The following PCDHGA7 variants were observed in gnomAD, a reference collection of about 807,000 sequenced individuals.
The protein encoded by PCDHGA7 is protocadherin gamma subfamily A, 7.
PCDHGA7 carries 44 observed loss-of-function variants against 58.3 expected under a neutral mutation model. The ratio of observed to expected loss-of-function variants is 0.75; its 90% CI spans 0.59 to 0.97. The LOEUF (loss-of-function observed/expected upper bound fraction) is 0.97. Ranked by LOEUF, PCDHGA7 falls within the 50% of genes least tolerant of loss-of-function variation. PCDHGA7 has a pLI of 0.00. For missense variants in PCDHGA7, 1,266 were observed against 1,188.7 expected (o/e 1.06, Z -0.96); for synonymous variants, 516 against 504.2 (o/e 1.02, Z -0.31).
chr5:141,494,926 G>T, intron 2 of PCDHGA7, 61 bp downstream of exon 2: 1 of 1,613,498 alleles, frequency 6.2e-7, no homozygotes, highest in Non-Finnish European at 8.5e-7. Flanking sequence ...GGATGACGTG[G>T]GAGGAGATGG....
chr5:141,422,541 T>C (rs1389095817), intron 1 of PCDHGA7: 1 of 1,613,992 alleles, frequency 6.2e-7, no homozygotes. Context: ...CAGAAACTCA[T>C]GTCTGGCTGA....
intron 1 of PCDHGA7, among the ~76,000 whole-genome samples, chr5:141,471,869 G>A (rs1234106506): frequency 6.6e-6 from 1 of 152,172 alleles, no homozygotes; most frequent in Non-Finnish European, 1.5e-5. Flanking sequence ...AACTGTGGTT[G>A]CCTGAGGCTG....
At chr5:141,460,341 C>T (rs557699438) in intron 1 of PCDHGA7, among the ~76,000 whole-genome samples, 39 of 152,110 alleles carry the variant, frequency 2.6e-4, no homozygotes, top group Admixed American at 2.4e-3. Flanking sequence ...ATGATTTTCT[C>T]CTATATTTTC....
In PCDHGA7 at chr5:141,389,591, C is replaced by G. The variant is rs533336501; in HGVS notation, c.2424+4268C>G. ...TGTACCCCGCGCTGGGTCCCGACGG[C>G]TCTGCGCTCTTCGATATGGTGCCGC... On this transcript the variant is annotated intron_variant, in intron 1 of 3. Transcript: ENST00000518325. 2.1e-5 allele frequency: 34 copies of G among 1,613,176 alleles called. No homozygotes were observed. The African/African-American group carries it at 2.1e-4, about 10-fold the overall frequency.
intron 1 of PCDHGA7, chr5:141,423,426 G>A: frequency 6.2e-7 from 1 of 1,614,028 alleles, no homozygotes; most frequent in Non-Finnish European, 8.5e-7. Context: ...AAGGCGGGTT[G>A]GCAGGTATGC....
Position 141,485,209 on chromosome 5 carries a change from G to T in PCDHGA7, c.2425-9598G>T, listed in dbSNP as rs2099609420. The T allele has an allele frequency of 6.2e-7, 1 of 1,614,032 alleles. No individual in the cohort carries two copies. Among genetic ancestry groups the T allele is most frequent in the African/African-American group, 1.3e-5 (1 of 74,938 alleles). On this transcript the variant is annotated intron_variant, in intron 1 of 3. Transcript: ENST00000518325. This position sits in a 1 kb window ranked among gnomAD's most constrained non-coding sequence, Gnocchi z 5.7. Reference sequence around the variant, plus strand: ...AGGTGAGAAGCTGGACAGAAATCTGGCGGTGGGCTACCCTTTTGTTCCTCT... The same window carrying T: ...AGGTGAGAAGCTGGACAGAAATCTGTCGGTGGGCTACCCTTTTGTTCCTCT...
At position 141,511,397 on chromosome 5, in the gene PCDHGA7, C is replaced by A; in HGVS notation, c.*224C>A. ...AGCAGTTCCGCTGGGAACCCCCATC[C>A]AATCAACTGCTGTACCCATGGGGGT... On this transcript the variant is annotated 3_prime_UTR_variant, in exon 4 of 4. Coordinates refer to ENST00000518325, the MANE Select transcript of PCDHGA7 (RefSeq NM_018920.4). 1.0e-6 allele frequency: 1 copy of A among 1,002,376 alleles called. No individual in the cohort carries two copies. The highest frequency in any genetic ancestry group is 1.4e-6 in the Non-Finnish European group (1 of 705,546). 62.1% of individuals were successfully genotyped at this position (1,002,376 alleles called of 1,614,324 possible). A position where few individuals can be genotyped will look rare whatever the true frequency, so the allele number is the denominator to read the frequency against.
intron 1 of PCDHGA7, among the ~76,000 whole-genome samples, chr5:141,406,629 A>G (rs2094832755): frequency 6.6e-6 from 1 of 152,188 alleles, no homozygotes; most frequent in Non-Finnish European, 1.5e-5. Context: ...TCATATCTTC[A>G]AAGGTCTTAA....
chr5:141,470,828 C>A (rs1328067769), intron 1 of PCDHGA7, among the ~76,000 whole-genome samples: 1 of 151,994 alleles, frequency 6.6e-6, no homozygotes, highest in Non-Finnish European at 1.5e-5. Flanking sequence ...GTTAGGACGA[C>A]AAACACACGC....
At chr5:141,414,899 G>T (rs756810046) in intron 1 of PCDHGA7, 1 of 1,614,182 alleles carries the variant, frequency 6.2e-7, no homozygotes, top group Non-Finnish European at 8.5e-7. Context: ...CCCACAGACG[G>T]TTCCACAGGC....
rs1481010729 is a variant in PCDHGA7, at chr5:141,385,213, C to T, written c.2314C>T (p.Gln772Ter). The change falls in exon 1 of 4, where the codon CAG (glutamine) becomes TAG (stop). Residue 772 changes from glutamine to a stop codon, truncating the protein, a stop_gained. Transcript: ENST00000518325. LOFTEE classifies it high-confidence loss of function. The stretch of plus-strand genomic sequence containing the variant: ...TCGGAAGAGTCACCTGATCTTCCCC[C>T]AGCCCAACTATGTAGACATGCTCAT... ...DSRKSHLIFP[Q>*]PNYVDMLISQ... The T allele has an allele frequency of 1.7e-5, 28 of 1,614,108 alleles. No individual in the cohort carries two copies. The highest frequency in any genetic ancestry group is 2.2e-5 in the Non-Finnish European group (26 of 1,180,056).
rs1212381177 is a variant in PCDHGA7 at position 141,438,571 on chromosome 5, TATAC to T, written c.2424+53268_2424+53271del. ...GCCCTAATAAGAGGCAGCTGTCTGATATACATACATACATACATACATATATATA... is the reference window on the plus strand; with the variant it reads ...GCCCTAATAAGAGGCAGCTGTCTGATATACATACATACATACATATATATA... On this transcript the variant is annotated intron_variant, in intron 1 of 3. Transcript: ENST00000518325. 9.4e-4 allele frequency among the ~76,000 whole-genome samples: 89 copies of T among 94,500 alleles called. 1 individual carries two copies. The highest frequency in any genetic ancestry group is 1.8e-3 in the African/African-American group (37 of 20,720). The allele number at this position is 94,500 out of a possible 152,430, so 62.0% of individuals were successfully genotyped here.
At chr5:141,497,500 T>G (rs1468175808) in intron 2 of PCDHGA7, among the ~76,000 whole-genome samples, 2 of 151,562 alleles carry the variant, frequency 1.3e-5, no homozygotes, top group Non-Finnish European at 2.9e-5. Context: ...CTCTCTCCTC[T>G]CTCTGCTTCC....
intron 1 of PCDHGA7, among the ~76,000 whole-genome samples, chr5:141,435,303 A>G (rs2097757060): frequency 6.6e-6 from 1 of 152,192 alleles, no homozygotes; most frequent in Admixed American, 6.5e-5. Flanking sequence ...TCATGGTTTT[A>G]AATCATTCAT....
intron 1 of PCDHGA7, chr5:141,389,522 G>A: frequency 6.2e-7 from 1 of 1,613,178 alleles, no homozygotes; most frequent in Non-Finnish European, 8.5e-7. Context: ...ACGTGAGCCT[G>A]CGCGTGTTAG....
intron 1 of PCDHGA7, chr5:141,403,476 A>T: frequency 6.2e-7 from 1 of 1,613,972 alleles, no homozygotes; most frequent in Non-Finnish European, 8.5e-7. Flanking sequence ...CTCAGCCCCA[A>T]TCACCACTTC....
At chr5:141,419,201 A>C in intron 1 of PCDHGA7, 1 of 1,613,998 alleles carries the variant, frequency 6.2e-7, no homozygotes, top group South Asian at 1.1e-5. Context: ...CGTCAATGAC[A>C]ACGCGCCGGT....
chr5:141,485,866 C>T lies in PCDHGA7; in HGVS notation c.2425-8941C>T. The T allele has an allele frequency of 2.5e-6, 4 of 1,614,144 alleles. No individual in the cohort carries two copies. Among genetic ancestry groups the T allele is most frequent in the Non-Finnish European group, 3.4e-6 (4 of 1,180,014 alleles). On this transcript the variant is annotated intron_variant, in intron 1 of 3. Coordinates refer to ENST00000518325, the MANE Select transcript of PCDHGA7 (RefSeq NM_018920.4). The surrounding 1 kb of genome is among the most constrained non-coding windows in gnomAD (Gnocchi z 5.7). ...CTGGCACCGCAGAGCTCCGGGTATCCGTGCTGGACGTAAACGACAACGCCC... is the reference window on the plus strand; with the variant it reads ...CTGGCACCGCAGAGCTCCGGGTATCTGTGCTGGACGTAAACGACAACGCCC...
In PCDHGA7 at chr5:141,511,345, TCC is replaced by T; in HGVS notation, c.*178_*179del. 1 of 1,410,484 alleles carries T rather than the reference TCC, an allele frequency of 7.1e-7. No homozygotes were observed. The highest frequency in any genetic ancestry group is 9.4e-7 in the Non-Finnish European group (1 of 1,060,658). The allele number at this position is 1,410,484 out of a possible 1,614,324, so 87.4% of individuals were successfully genotyped here. On this transcript the variant is annotated 3_prime_UTR_variant, in exon 4 of 4. Coordinates refer to ENST00000518325, the MANE Select transcript of PCDHGA7 (RefSeq NM_018920.4). ...AAGTGCCCAGTCAGCACCTACCCCT[TCC>T]CCCCCAGGGGGTTGAATATGCAAAA... is the stretch of plus-strand genomic sequence containing the variant.
Sources: gnomAD v4.1 joint callset for allele counts (sites outside exome capture counted in the v4.1 genomes callset) on GRCh38, gnomAD v4.1.1 for gene constraint, Gnocchi (gnomAD v3.1) non-coding constraint, MANE v1.5 for transcripts, NCBI Gene and HGNC (gene_info 2026-07-23, HGNC 2026-07-21) for gene names.